Variants in IFT122 observed in about 807,000 individuals in gnomAD.
IFT122 encodes intraflagellar transport protein 122 homolog.
A neutral mutation model predicts 161.6 loss-of-function variants in IFT122; 118 were observed. That is an observed-to-expected ratio of 0.73 (90% confidence interval 0.63 to 0.85). The LOEUF is 0.85. IFT122 is among the 40% of genes least tolerant of loss of function. The probability of loss-of-function intolerance (pLI) is 0.00; values close to 1 mark genes in which losing one functional copy is unlikely to be tolerated. For synonymous variants in IFT122, 550 were observed against 602.4 expected (o/e 0.91, Z 1.27); for missense variants, 1,381 against 1,579.6 (o/e 0.87, Z 2.13).
At chr3:129,488,739 G>T (rs1433381934) in intron 16 of IFT122, among the ~76,000 whole-genome samples, 1 of 152,004 alleles carries the variant, frequency 6.6e-6, no homozygotes, top group African/African-American at 2.4e-5. Flanking sequence ...CTGACTAGTA[G>T]CCTGGCACAT....
At chr3:129,505,915 C>T (rs957757763) in intron 21 of IFT122, among the ~76,000 whole-genome samples, 1 of 152,186 alleles carries the variant, frequency 6.6e-6, no homozygotes, top group Non-Finnish European at 1.5e-5. Flanking sequence ...TTTTGCAAAG[C>T]CCATTTCATT....
chr3:129,488,095 G>C, intron 15 of IFT122, 162 bp from the exon 16 acceptor site: 1 of 1,077,078 alleles, frequency 9.3e-7, no homozygotes, highest in Non-Finnish European at 1.4e-6. Flanking sequence ...AGCACACAGG[G>C]TGGGCTGGGC....
chr3:129,520,339 T>TA lies in IFT122; in HGVS notation c.*77dup. ...TGGGCTGTGAAGGAGAATAAAGAGT[T>TA]AAACTGTCAGAATGTGTTTCTTGCC... On this transcript the variant is annotated 3_prime_UTR_variant, in exon 30 of 30. Transcript: ENST00000348417. The TA allele has an allele frequency of 8.7e-7, 1 of 1,155,198 alleles. No individual in the cohort carries two copies. Among genetic ancestry groups the TA allele is most frequent in the Non-Finnish European group, 1.3e-6 (1 of 793,450 alleles). 71.6% of individuals were successfully genotyped at this position (1,155,198 alleles called of 1,614,324 possible). A position where few individuals can be genotyped will look rare whatever the true frequency, so the allele number is the denominator to read the frequency against.
chr3:129,476,870 C>T, intron 11 of IFT122, 69 bp downstream of exon 11: 1 of 1,588,920 alleles, frequency 6.3e-7, no homozygotes, highest in South Asian at 1.1e-5. Context: ...GGTGACAGGG[C>T]ACTTGAAATG....
intron 9 of IFT122, among the ~76,000 whole-genome samples, chr3:129,472,524 T>C (rs924497582): frequency 6.6e-6 from 1 of 152,182 alleles, no homozygotes; most frequent in Admixed American, 6.5e-5. Flanking sequence ...TATTTAAGGT[T>C]CCTAAGCAAT....
rs1375503817 is a variant in IFT122, at chr3:129,517,541, T to C, written c.3338T>C (p.Leu1113Pro). Residue 1113 changes from leucine (L) to proline (P), a missense_variant, in exon 27 of 30, where the codon CTG becomes CCG. Leu to Pro is a moderately conservative substitution (Grantham distance 98). Transcript: ENST00000348417. ...GAAGAAGCCATCTCCCTCATCGACC[T>C]GGAGGTGCTGAGACCCAAGCGGGAT... Reference protein sequence around the residue: ...TDEEAISLIDLEVLRPKRDDR... With the variant: ...TDEEAISLIDPEVLRPKRDDR... 1.2e-6 allele frequency: 2 copies of C among 1,614,014 alleles called. No individual in the cohort carries two copies. Among genetic ancestry groups the C allele is most frequent in the Non-Finnish European group, 1.7e-6 (2 of 1,179,932 alleles).
At position 129,504,308 on chromosome 3, in the gene IFT122, C is replaced by T. The variant is rs1440844761; in HGVS notation, c.2548-11C>T. The T allele has an allele frequency of 1.6e-5, 26 of 1,608,834 alleles. No individual in the cohort carries two copies. The highest frequency in any genetic ancestry group is 1.6e-4 in the African/African-American group (12 of 74,792). On this transcript the variant is annotated splice_polypyrimidine_tract_variant and intron_variant, in intron 20 of 29. Coordinates refer to ENST00000348417, the MANE Select transcript of IFT122 (RefSeq NM_052989.3). ...CAGCTTTATTAAGACTTCATTTGCT[C>T]CTTCCCCCAGGCCTTTGCTTTGGGT...
At chr3:129,491,564 A>T (rs145997332) in intron 16 of IFT122, among the ~76,000 whole-genome samples, 95 of 152,226 alleles carry the variant, frequency 6.2e-4, no homozygotes, top group Non-Finnish European at 1.0e-3. Context: ...CCTTCCACAG[A>T]CTTGGTGGGA....
At chr3:129,506,380 CT>C in intron 21 of IFT122, 28 bp from the exon 22 acceptor site, 1 of 1,611,226 alleles carries the variant, frequency 6.2e-7, no homozygotes, top group African/African-American at 1.3e-5. Context: ...ATAGCATGTG[CT>C]TTTTTCCTCC....
In IFT122 at chr3:129,492,131, T is replaced by A; in HGVS notation, c.1993-10T>A. 6.2e-7 allele frequency: 1 copy of A among 1,608,454 alleles called. No homozygotes were observed. Among genetic ancestry groups the A allele is most frequent in the Non-Finnish European group, 8.5e-7 (1 of 1,175,338 alleles). On this transcript the variant is annotated splice_polypyrimidine_tract_variant and intron_variant, in intron 16 of 29. Coordinates refer to ENST00000348417, the MANE Select transcript of IFT122 (RefSeq NM_052989.3). ...GACAGCTTATTTTATTCTTTATTTC[T>A]TCGCCACAGGCCTTCATCAGAGTAC...
At chr3:129,497,738 C>A (rs1247278209) in intron 18 of IFT122, among the ~76,000 whole-genome samples, 1 of 152,192 alleles carries the variant, frequency 6.6e-6, no homozygotes, top group Non-Finnish European at 1.5e-5. Flanking sequence ...TTCAATCCCC[C>A]CTGCCCCCAC....
chr3:129,501,513 T>C (rs1272038430), intron 19 of IFT122, among the ~76,000 whole-genome samples: 2 of 152,216 alleles, frequency 1.3e-5, no homozygotes, highest in African/African-American at 4.8e-5. Flanking sequence ...GGCACAGATT[T>C]TGTTCCCCAC....
At chr3:129,440,429 G>A in intron 1 of IFT122, 58 bp downstream of exon 1, 2 of 1,541,044 alleles carry the variant, frequency 1.3e-6, no homozygotes, top group East Asian at 4.9e-5. Context: ...GGGAGTGCGC[G>A]AGCCGCTGCA....
intron 7 of IFT122, among the ~76,000 whole-genome samples, chr3:129,465,261 A>G (rs1301137128): frequency 1.3e-5 from 2 of 151,518 alleles, no homozygotes; most frequent in Non-Finnish European, 2.9e-5. Flanking sequence ...TCTTCCCTCC[A>G]AGTTTGGGCA....
At position 129,506,271 on chromosome 3, in the gene IFT122, C is replaced by A. The variant is rs1578051202; in HGVS notation, c.2651-138C>A. ...GTTATTTAGAGAAGCGCCATCCCAGCAACGAAGCACTGCAGATGCTCCAAT... is the reference window on the plus strand; with the variant it reads ...GTTATTTAGAGAAGCGCCATCCCAGAAACGAAGCACTGCAGATGCTCCAAT... On this transcript the variant is annotated intron_variant, in intron 21 of 29. Coordinates refer to ENST00000348417, the MANE Select transcript of IFT122 (RefSeq NM_052989.3). The A allele has an allele frequency of 1.6e-5, 15 of 931,386 alleles. 1 individual carries two copies. Among genetic ancestry groups the A allele is most frequent in the Non-Finnish European group, 2.6e-5 (15 of 580,800 alleles). 57.7% of individuals were successfully genotyped at this position (931,386 alleles called of 1,614,324 possible).
At position 129,449,980 on chromosome 3, in the gene IFT122, C is replaced by G. The variant is rs750896392; in HGVS notation, c.108+43C>G. On this transcript the variant is annotated intron_variant, in intron 2 of 29. Coordinates refer to ENST00000348417, the MANE Select transcript of IFT122 (RefSeq NM_052989.3). ...TTTCCTCTTAAAGTGCTTCCCTAAC[C>G]TCCCTCTTGTGAGTACTCTGAAATT... 1.4e-5 allele frequency: 19 copies of G among 1,313,070 alleles called. 1 individual carries two copies. In the South Asian group the frequency reaches 2.2e-4, roughly 15 times the overall value. The allele number at this position is 1,313,070 out of a possible 1,614,324, so 81.3% of individuals were successfully genotyped here.
chr3:129,460,349 G>T (rs750880494), intron 4 of IFT122, among the ~76,000 whole-genome samples: 1 of 152,052 alleles, frequency 6.6e-6, no homozygotes, highest in Admixed American at 6.6e-5. Flanking sequence ...TTCATTTCAC[G>T]TAATGTCCTC....
chr3:129,446,971 A>G (rs2074083208), intron 1 of IFT122, among the ~76,000 whole-genome samples: 1 of 152,246 alleles, frequency 6.6e-6, no homozygotes, highest in African/African-American at 2.4e-5. Flanking sequence ...TACTATAGTC[A>G]CCTGAACCAA....
chr3:129,443,715 CTG>C (rs1226639289), intron 1 of IFT122, among the ~76,000 whole-genome samples: 1 of 151,948 alleles, frequency 6.6e-6, no homozygotes, highest in Non-Finnish European at 1.5e-5. Context: ...GTAAAGAAGA[CTG>C]TATAAGTCAG....
Sources: allele counts gnomAD v4.1 joint callset (sites outside exome capture counted in the v4.1 genomes callset), GRCh38; gene constraint gnomAD v4.1.1; transcripts MANE v1.5; gene names NCBI Gene and HGNC (gene_info 2026-07-23, HGNC 2026-07-21).